The following SMARCA2 variants were observed in gnomAD, a reference collection of about 807,000 sequenced individuals.
The protein encoded by SMARCA2 is SWI/SNF related BAF chromatin remodeling complex subunit ATPase 2.
SMARCA2 carries 61 observed loss-of-function variants against 199.8 expected under a neutral mutation model. That is an observed-to-expected ratio of 0.31 (90% CI 0.25 to 0.38). The LOEUF (loss-of-function observed/expected upper bound fraction) is 0.38. SMARCA2 is among the 10% of genes least tolerant of loss of function. The pLI, the probability that SMARCA2 is intolerant of heterozygous loss-of-function variation, is 1.00. For missense variants in SMARCA2, 1,344 were observed against 2,012.2 expected (o/e 0.67, Z 6.35); for synonymous variants, 935 against 732.0 (o/e 1.28, Z -4.48).
intron 12 of SMARCA2, chr9:2,075,277 G>C (rs148995344): frequency 6.6e-6 from 1 of 152,538 alleles, no homozygotes; most frequent in African/African-American, 2.4e-5. Flanking sequence ...TTTTCTCCTT[G>C]ATAGTTTGTC....
At chr9:2,085,611 T>C (rs1037261857) in intron 17 of SMARCA2, 1 of 152,210 alleles carries the variant, frequency 6.6e-6, no homozygotes, top group African/African-American at 2.4e-5. Context: ...TTAAACACTT[T>C]TCTTAGAGGT....
In SMARCA2 at chr9:2,178,720, GTTTAA is replaced by G. The variant is rs764005186; in HGVS notation, c.4254-2847_4254-2843del. 1.9e-4 allele frequency among the ~76,000 whole-genome samples: 29 copies of G among 151,408 alleles called. 1 individual carries two copies. Among genetic ancestry groups the G allele is most frequent in the East Asian group, 1.5e-3 (8 of 5,168 alleles). On this transcript the variant is annotated intron_variant, in intron 29 of 33. Transcript: ENST00000349721. ...GCTTCACTTCCTTTTTTGTTTGTTT[GTTTAA>G]TTTTTTTTTAACCTGTAATTTAGGA...
chr9:2,048,831 A>C, intron 5 of SMARCA2, among the ~76,000 whole-genome samples: 1 of 152,184 alleles, frequency 6.6e-6, no homozygotes, highest in East Asian at 1.9e-4. Flanking sequence ...TGGGTGAATA[A>C]TTGCTGTGTG....
chr9:2,140,090 A>C (rs527905342), intron 27 of SMARCA2, among the ~76,000 whole-genome samples: 13 of 152,196 alleles, frequency 8.5e-5, no homozygotes, highest in Non-Finnish European at 2.9e-5. Context: ...TTCCTTGCAA[A>C]TTAGTTGGGG....
Position 2,147,664 on chromosome 9 carries a change from G to A in SMARCA2, c.3982-14022G>A, listed in dbSNP as rs542408650. Among the ~76,000 whole-genome samples the A allele has an allele frequency of 8.0e-3, 1,170 of 146,086 alleles. 12 individuals carry two copies. Among genetic ancestry groups the A allele is most frequent in the Non-Finnish European group, 0.012 (785 of 63,696 alleles). ...AGTTCGAGACCAGCCTGGCCAACACGGCAAAACCCTGTCTCTACTAAAAAT... is the reference window on the plus strand; with the variant it reads ...AGTTCGAGACCAGCCTGGCCAACACAGCAAAACCCTGTCTCTACTAAAAAT... On this transcript the variant is annotated intron_variant, in intron 27 of 33. Transcript: ENST00000349721.
intron 27 of SMARCA2, among the ~76,000 whole-genome samples, chr9:2,135,091 T>A (rs1009148854): frequency 2.6e-4 from 40 of 152,080 alleles, no homozygotes; most frequent in African/African-American, 8.5e-4. Flanking sequence ...AAGCCAATGG[T>A]ATAATTGAGT....
chr9:2,112,355 T>G (rs553318801), intron 24 of SMARCA2, among the ~76,000 whole-genome samples: 75 of 152,188 alleles, frequency 4.9e-4, no homozygotes, highest in Non-Finnish European at 7.5e-4. Flanking sequence ...GACTCTTAGA[T>G]GTTTACCTTC....
intron 15 of SMARCA2, among the ~76,000 whole-genome samples, chr9:2,083,116 GT>G (rs1821640929): frequency 1.3e-5 from 2 of 151,628 alleles, no homozygotes; most frequent in South Asian, 2.1e-4. Flanking sequence ...GTATTCTTTA[GT>G]TTTTTTCTTA....
At chr9:2,111,981 T>C (rs550807197) in intron 24 of SMARCA2, among the ~76,000 whole-genome samples, 1 of 152,242 alleles carries the variant, frequency 6.6e-6, no homozygotes, top group African/African-American at 2.4e-5. Context: ...CAGCACAGAA[T>C]ATATTAGTTC....
chr9:2,089,145 T>C (rs1448738129), intron 19 of SMARCA2, among the ~76,000 whole-genome samples: 2 of 152,218 alleles, frequency 1.3e-5, no homozygotes, highest in East Asian at 1.9e-4. Flanking sequence ...TTTTGTTCTG[T>C]GCCATAAAAA....
At chr9:2,139,337 A>G (rs1209677086) in intron 27 of SMARCA2, among the ~76,000 whole-genome samples, 2 of 152,114 alleles carry the variant, frequency 1.3e-5, no homozygotes, top group African/African-American at 4.8e-5. Flanking sequence ...AGGGGGGTAG[A>G]GAATGGGGAA....
rs73376768 is a variant in SMARCA2, at chr9:2,187,991, T to C, written c.4594+1763T>C. On this transcript the variant is annotated intron_variant, in intron 32 of 33. Transcript: ENST00000349721. ...GAAAAAAAGGTAACGTCTCAAAATA[T>C]TACATGTATGTAGAGATATAGAATT... is the stretch of plus-strand genomic sequence containing the variant. Among the ~76,000 whole-genome samples, 1,432 of 152,276 alleles carry C rather than the reference T, an allele frequency of 9.4e-3. 25 individuals carry two copies. Among genetic ancestry groups the C allele is most frequent in the African/African-American group, 0.033 (1,364 of 41,564 alleles).
intron 19 of SMARCA2, among the ~76,000 whole-genome samples, chr9:2,094,922 C>G (rs1033072833): frequency 5.9e-5 from 9 of 152,222 alleles, no homozygotes; most frequent in Non-Finnish European, 1.3e-4. Flanking sequence ...GAGTTAACAG[C>G]TCTTGAAAAA....
chr9:2,058,029 C>T lies in SMARCA2; in HGVS notation c.1348-262C>T, dbSNP rs1327747153. The T allele has an allele frequency of 3.1e-5, 9 of 293,964 alleles. No individual in the cohort carries two copies. The South Asian group carries it at 5.1e-4, about 17-fold the overall frequency. 18.2% of individuals were successfully genotyped at this position (293,964 alleles called of 1,614,324 possible). A position where few individuals can be genotyped will look rare whatever the true frequency, so the allele number is the denominator to read the frequency against. On this transcript the variant is annotated intron_variant, in intron 7 of 33. Transcript: ENST00000349721. ...TTTCAGTCTTCGATCTTTCCATTCTCATGTGGCCACACCCTCAAGGCTAAG... is the reference window on the plus strand; with the variant it reads ...TTTCAGTCTTCGATCTTTCCATTCTTATGTGGCCACACCCTCAAGGCTAAG...
chr9:2,165,200 C>G (rs749077563), intron 28 of SMARCA2, among the ~76,000 whole-genome samples: 1 of 152,152 alleles, frequency 6.6e-6, no homozygotes, highest in African/African-American at 2.4e-5. Context: ...AGGGCTCTGA[C>G]AGTCATGTAG....
intron 24 of SMARCA2, among the ~76,000 whole-genome samples, chr9:2,114,458 G>T (rs556742608): frequency 6.6e-6 from 1 of 152,164 alleles, no homozygotes; most frequent in Non-Finnish European, 1.5e-5. Flanking sequence ...AAGAAGACGG[G>T]TTTACAGCTG....
chr9:2,097,784 C>T (rs1025726846), intron 21 of SMARCA2, among the ~76,000 whole-genome samples: 5 of 152,174 alleles, frequency 3.3e-5, no homozygotes, highest in African/African-American at 1.2e-4. Flanking sequence ...CCTTGTTATA[C>T]TGGGAGCTCT....
At chr9:2,131,832 C>T (rs1021238410) in intron 27 of SMARCA2, among the ~76,000 whole-genome samples, 19 of 151,200 alleles carry the variant, frequency 1.3e-4, no homozygotes, top group Non-Finnish European at 2.4e-4. Context: ...CCCAGCTACT[C>T]GGGAGGCTGA....
chr9:2,079,479 A>C (rs1821469567), intron 14 of SMARCA2, among the ~76,000 whole-genome samples: 1 of 152,240 alleles, frequency 6.6e-6, no homozygotes, highest in African/African-American at 2.4e-5. Context: ...ATGGTGCTGA[A>C]GCACTAGCAG....
Sources: gnomAD v4.1 joint callset for allele counts (sites outside exome capture counted in the v4.1 genomes callset) on GRCh38, gnomAD v4.1.1 for gene constraint, MANE v1.5 for transcripts, NCBI Gene and HGNC (gene_info 2026-07-23, HGNC 2026-07-21) for gene names.